The following LRBA variants were observed in gnomAD, a reference collection of about 807,000 sequenced individuals.
LRBA encodes the protein lipopolysaccharide-responsive and beige-like anchor protein.
LRBA carries 176 observed loss-of-function variants against 330.0 expected under a neutral mutation model. The ratio of observed to expected loss-of-function variants is 0.53; its 90% CI spans 0.47 to 0.60. The LOEUF (loss-of-function observed/expected upper bound fraction) is 0.60. LRBA is among the 20% of genes least tolerant of loss of function. The pLI, the probability that LRBA is intolerant of heterozygous loss-of-function variation, is 0.00. For synonymous variants in LRBA, 1,230 were observed against 1,193.0 expected (o/e 1.03, Z -0.64); for missense variants, 3,259 against 3,444.8 (o/e 0.95, Z 1.35).
intron 46 of LRBA, among the ~76,000 whole-genome samples, chr4:150,427,898 A>G (rs1749853215): frequency 1.3e-5 from 2 of 152,002 alleles, no homozygotes; most frequent in Non-Finnish European, 2.9e-5. Context: ...CATGGAATGT[A>G]TTAACATGGT....
chr4:150,938,794 C>CT (rs1735368291), intron 2 of LRBA, among the ~76,000 whole-genome samples: 1 of 152,172 alleles, frequency 6.6e-6, no homozygotes, highest in Admixed American at 6.5e-5. Context: ...GCTACCCAGA[C>CT]TTTCACCTGA....
At chr4:150,544,361 C>G (rs1036224319) in intron 40 of LRBA, among the ~76,000 whole-genome samples, 2 of 152,120 alleles carry the variant, frequency 1.3e-5, no homozygotes, top group African/African-American at 4.8e-5. Flanking sequence ...CCCCTGACCT[C>G]CAGTGATACA....
At chr4:150,304,502 T>C (rs556387869) in intron 52 of LRBA, among the ~76,000 whole-genome samples, 2 of 152,116 alleles carry the variant, frequency 1.3e-5, no homozygotes, top group South Asian at 2.1e-4. Flanking sequence ...TATAGTACTT[T>C]TTTTCTCCTG....
intron 4 of LRBA, among the ~76,000 whole-genome samples, chr4:150,923,406 C>T (rs1342359921): frequency 1.3e-5 from 2 of 152,120 alleles, no homozygotes; most frequent in East Asian, 1.9e-4. Context: ...CTGTACTCCC[C>T]TCTTATCCAA....
At chr4:150,816,752 T>C (rs960588331) in intron 31 of LRBA, among the ~76,000 whole-genome samples, 6 of 151,922 alleles carry the variant, frequency 3.9e-5, no homozygotes, top group Non-Finnish European at 8.8e-5. Flanking sequence ...GTAACCACAT[T>C]AAAAGATTAC....
chr4:150,270,468 A>G (rs4696659), intron 56 of LRBA, among the ~76,000 whole-genome samples: 1 of 152,076 alleles, frequency 6.6e-6, no homozygotes, highest in Non-Finnish European at 1.5e-5. Flanking sequence ...TCCACTTAAC[A>G]GAAGGTGCTT....
At chr4:150,633,805 T>G (rs1336491841) in intron 37 of LRBA, among the ~76,000 whole-genome samples, 1 of 152,192 alleles carries the variant, frequency 6.6e-6, no homozygotes, top group Non-Finnish European at 1.5e-5. Flanking sequence ...GTCCTTGTAC[T>G]CAGGCTTCTT....
chr4:150,681,357 G>A (rs1209651627), intron 37 of LRBA, among the ~76,000 whole-genome samples: 1 of 152,168 alleles, frequency 6.6e-6, no homozygotes, highest in East Asian at 1.9e-4. Flanking sequence ...AGTATGGTGA[G>A]CCAGCATACA....
rs530681596 is a variant in LRBA at position 150,897,304 on chromosome 4, T to G, written c.2004+435A>C. On this transcript the variant is annotated intron_variant, in intron 15 of 56. Coordinates refer to ENST00000651943, the MANE Select transcript of LRBA (RefSeq NM_001364905.1). ...ATATTAAATTTTACTTTACCTGTAA[T>G]AGAATGAAAAGGGACAAAATGTGAC... is the stretch of plus-strand genomic sequence containing the variant. 2.0e-5 allele frequency among the ~76,000 whole-genome samples: 3 copies of G among 152,094 alleles called. No homozygotes were observed. In the East Asian group the frequency reaches 5.8e-4, roughly 29 times the overall value.
intron 38 of LRBA, among the ~76,000 whole-genome samples, chr4:150,594,437 C>G (rs938002111): frequency 6.6e-6 from 1 of 151,954 alleles, no homozygotes; most frequent in African/African-American, 2.4e-5. Context: ...CCATTATAAA[C>G]AAGTATTTTG....
chr4:150,311,702 T>G (rs542565570), intron 51 of LRBA, among the ~76,000 whole-genome samples: 1 of 152,172 alleles, frequency 6.6e-6, no homozygotes, highest in Non-Finnish European at 1.5e-5. Flanking sequence ...CTTCATATGC[T>G]TTTGGAGGAT....
In LRBA at chr4:150,783,560, T is replaced by C. The variant is rs184903157; in HGVS notation, c.5580+14521A>G. ...GATGTTTCAATTAAATGCCTAATTA[T>C]AATCTGAGCTTCTAAATGAAGAATT... On this transcript the variant is annotated intron_variant, in intron 34 of 56. Transcript: ENST00000651943. 8.0e-4 allele frequency among the ~76,000 whole-genome samples: 122 copies of C among 152,348 alleles called. 1 individual carries two copies. The highest frequency in any genetic ancestry group is 6.8e-3 in the Middle Eastern group (2 of 294).
intron 28 of LRBA, among the ~76,000 whole-genome samples, chr4:150,843,543 A>G (rs570142784): frequency 7.0e-4 from 107 of 152,340 alleles, no homozygotes; most frequent in African/African-American, 2.5e-3. Flanking sequence ...AAAAATTAGA[A>G]ACACCAAACT....
At chr4:150,528,300 C>A (rs945666865) in intron 40 of LRBA, among the ~76,000 whole-genome samples, 1 of 151,926 alleles carries the variant, frequency 6.6e-6, no homozygotes, top group Non-Finnish European at 1.5e-5. Context: ...GAGATCGAGA[C>A]CATCCTGGCA....
At chr4:150,453,765 A>G (rs2152034960) in intron 44 of LRBA, among the ~76,000 whole-genome samples, 1 of 152,226 alleles carries the variant, frequency 6.6e-6, no homozygotes, top group Non-Finnish European at 1.5e-5. Flanking sequence ...ACAGGTTGGG[A>G]ACAACTGGCA....
At chr4:150,338,527 C>T (rs886719990) in intron 48 of LRBA, among the ~76,000 whole-genome samples, 2 of 152,130 alleles carry the variant, frequency 1.3e-5, no homozygotes, top group Non-Finnish European at 2.9e-5. Flanking sequence ...CCCCTTCTTC[C>T]AACCTCCAGT....
At chr4:150,340,806 G>T (rs926075575) in intron 48 of LRBA, among the ~76,000 whole-genome samples, 3 of 152,092 alleles carry the variant, frequency 2.0e-5, no homozygotes, top group Non-Finnish European at 4.4e-5. Flanking sequence ...GACTTACAAA[G>T]GCCTTCCCCT....
chr4:150,989,537 C>T (rs937802053), intron 2 of LRBA, among the ~76,000 whole-genome samples: 1 of 152,010 alleles, frequency 6.6e-6, no homozygotes, highest in East Asian at 1.9e-4. Context: ...CGCTTGAACC[C>T]GGAAGGCACA....
intron 47 of LRBA, among the ~76,000 whole-genome samples, chr4:150,401,213 A>G (rs187041426): frequency 6.3e-4 from 96 of 152,360 alleles, no homozygotes; most frequent in African/African-American, 2.3e-3. Context: ...CAGCGGGAGA[A>G]TGGCCCTGCT....
Sources: gnomAD v4.1 joint callset for allele counts (sites outside exome capture counted in the v4.1 genomes callset) on GRCh38, gnomAD v4.1.1 for gene constraint, MANE v1.5 for transcripts, NCBI Gene and HGNC (gene_info 2026-07-23, HGNC 2026-07-21) for gene names.